HSPA12A: variants seen among roughly 807,000 people sequenced by gnomAD.
HSPA12A encodes the protein heat shock 70 kDa protein 12A.
In HSPA12A, 28 loss-of-function variants were observed where a neutral mutation model predicts 69.2. That is an observed-to-expected ratio of 0.40 (90% confidence interval 0.30 to 0.55). The LOEUF (loss-of-function observed/expected upper bound fraction) is 0.55, where lower values mean the gene tolerates loss of function less well. Among genes scored for constraint, HSPA12A ranks in the 20% least tolerant of loss-of-function variants. The pLI is 0.38. For missense variants in HSPA12A, 686 were observed against 900.7 expected, an observed-to-expected ratio of 0.76 and a Z score of 3.05; for synonymous variants, 345 against 370.5, an observed-to-expected ratio of 0.93 and a Z score of 0.79.
At position 116,705,359 on chromosome 10, in the gene HSPA12A, T is replaced by A. The variant is rs1850212066; in HGVS notation, c.127-81A>T. ...AAGACACCCCTGGGGGGTCTCACCT[T>A]GCCTAGCTGTGAACCCCCTGCAGAC... On this transcript the variant is annotated intron_variant, in intron 2 of 11. Coordinates refer to ENST00000369209, the MANE Select transcript of HSPA12A (RefSeq NM_025015.3). 3.4e-6 allele frequency: 5 copies of A among 1,491,520 alleles called. No individual in the cohort carries two copies. The Admixed American group carries it at 6.7e-5, about 20-fold the overall frequency. The allele number at this position is 1,491,520 out of a possible 1,614,324, so 92.4% of individuals were successfully genotyped here.
chr10:116,820,292 G>A (rs1845387357), intron 2 of HSPA12A, among the ~76,000 whole-genome samples: 1 of 152,174 alleles, frequency 6.6e-6, no homozygotes, highest in African/African-American at 2.4e-5. Flanking sequence ...GTATCAAAGG[G>A]AAAGAGATTA....
chr10:116,835,040 A>T (rs1845684117), intron 1 of HSPA12A: 1 of 1,220,648 alleles, frequency 8.2e-7, no homozygotes, highest in Admixed American at 4.2e-5. Context: ...AGGGGGGAAA[A>T]GAGTTGCACT....
At chr10:116,780,755 T>A (rs1554891725) in intron 2 of HSPA12A, among the ~76,000 whole-genome samples, 1 of 152,162 alleles carries the variant, frequency 6.6e-6, no homozygotes, top group Non-Finnish European at 1.5e-5. Context: ...ATAACAATCA[T>A]AATTTTTAAG....
At chr10:116,806,797 A>G (rs887133783) in intron 2 of HSPA12A, among the ~76,000 whole-genome samples, 13 of 152,312 alleles carry the variant, frequency 8.5e-5, no homozygotes, top group African/African-American at 2.9e-4. Flanking sequence ...GGTGCAGGGG[A>G]TTGACCCGTG....
At chr10:116,792,079 C>T (rs1037952850) in intron 2 of HSPA12A, among the ~76,000 whole-genome samples, 5 of 151,506 alleles carry the variant, frequency 3.3e-5, no homozygotes, top group Non-Finnish European at 7.4e-5. Flanking sequence ...ATAATGATGG[C>T]CATAAATACT....
At chr10:116,786,797 G>A (rs575936176) in intron 2 of HSPA12A, among the ~76,000 whole-genome samples, 10 of 152,032 alleles carry the variant, frequency 6.6e-5, no homozygotes, top group South Asian at 4.2e-4. Flanking sequence ...CCACCACCAC[G>A]TCCAGCTAAT....
At chr10:116,743,080 C>CCGCAGACCAAGGA (rs75737266), upstream of HSPA12A, among the ~76,000 whole-genome samples, 92,333 of 151,142 alleles carry the variant, frequency 0.61, 28,535 homozygotes, top group South Asian at 0.72. Flanking sequence ...AGGACCCAGG[C>CCGCAGACCAAGGA]CGCAGACCAA....
chr10:116,729,205 G>T (rs1401363368), intron 1 of HSPA12A, among the ~76,000 whole-genome samples: 1 of 152,190 alleles, frequency 6.6e-6, no homozygotes, highest in Non-Finnish European at 1.5e-5. Context: ...TGAGGAGCAC[G>T]CCGGGAAGGT....
chr10:116,819,344 T>G (rs1845367480), intron 2 of HSPA12A, among the ~76,000 whole-genome samples: 1 of 152,144 alleles, frequency 6.6e-6, no homozygotes, highest in African/African-American at 2.4e-5. Flanking sequence ...GCACTTTACA[T>G]AGGAGGGTTC....
At chr10:116,791,161 C>A (rs991254642) in intron 2 of HSPA12A, among the ~76,000 whole-genome samples, 2 of 152,170 alleles carry the variant, frequency 1.3e-5, no homozygotes, top group African/African-American at 4.8e-5. Context: ...GCAGGCCCTC[C>A]CTCCACAAGT....
rs573092813 is a variant in HSPA12A at position 116,710,054 on chromosome 10, C to T, written c.41-2769G>A. On this transcript the variant is annotated intron_variant, in intron 1 of 11. Coordinates refer to ENST00000369209, the MANE Select transcript of HSPA12A (RefSeq NM_025015.3). The surrounding 1 kb of genome is among the most constrained non-coding windows in gnomAD (Gnocchi z 4.1). ...AGCCTGCTGATCTCCACCATCTTTG[C>T]TAATCTCCCAGCACAAGGGAACCCC... Among the ~76,000 whole-genome samples the T allele has an allele frequency of 6.6e-6, 1 of 152,260 alleles. No homozygotes were observed. The highest frequency in any genetic ancestry group is 6.5e-5 in the Admixed American group (1 of 15,290).
intron 1 of HSPA12A, chr10:116,835,031 G>C: frequency 8.2e-7 from 1 of 1,226,698 alleles, no homozygotes; most frequent in East Asian, 3.2e-5. Flanking sequence ...ATCTGTAGGA[G>C]GGGGGAAAAG....
intron 2 of HSPA12A, among the ~76,000 whole-genome samples, chr10:116,825,057 G>A (rs1381824655): frequency 6.8e-6 from 1 of 146,374 alleles, no homozygotes; most frequent in Non-Finnish European, 1.5e-5. Flanking sequence ...GTGTGGTGGT[G>A]CACGCCTGTA....
rs943978398 is a variant in HSPA12A at position 116,778,991 on chromosome 10, T to A, written c.91+55944A>T. On this transcript the variant is annotated intron_variant, in intron 2 of 12. Transcript: ENST00000635765. ...AGAAGTCCATGGCAGAGTGGAAGGG[T>A]CTGTCTGCCCTTGGGTCACACAGGT... Among the ~76,000 whole-genome samples the A allele has an allele frequency of 7.9e-5, 12 of 152,122 alleles. No individual in the cohort carries two copies. The East Asian group carries it at 2.3e-3, about 30-fold the overall frequency.
chr10:116,759,327 C>T (rs1471030606), intron 2 of HSPA12A, among the ~76,000 whole-genome samples: 1 of 152,096 alleles, frequency 6.6e-6, no homozygotes, highest in African/African-American at 2.4e-5. Flanking sequence ...TGGCAGCTGC[C>T]CCTCCCTGTG....
chr10:116,820,083 A>G (rs1023319080), intron 2 of HSPA12A, among the ~76,000 whole-genome samples: 2 of 152,206 alleles, frequency 1.3e-5, no homozygotes, highest in Non-Finnish European at 2.9e-5. Context: ...CTGGCCTCCC[A>G]AAGTGCTGGG....
intron 2 of HSPA12A, among the ~76,000 whole-genome samples, chr10:116,795,509 C>T (rs146341230): frequency 0.01 from 1,233 of 121,336 alleles, 5 homozygotes; most frequent in Non-Finnish European, 0.016. Context: ...CGAAACCTGC[C>T]GCTACTAAAA....
At chr10:116,770,400 G>T (rs1461444402) in intron 2 of HSPA12A, among the ~76,000 whole-genome samples, 1 of 152,226 alleles carries the variant, frequency 6.6e-6, no homozygotes, top group African/African-American at 2.4e-5. Flanking sequence ...TTGTGAAGGG[G>T]CGGATCAGAG....
At chr10:116,729,945 C>A (rs1280838937) in intron 1 of HSPA12A, among the ~76,000 whole-genome samples, 1 of 152,180 alleles carries the variant, frequency 6.6e-6, no homozygotes, top group Admixed American at 6.5e-5. Flanking sequence ...GATGGCCAGG[C>A]GTGGTGGCTT....
Sources: allele counts gnomAD v4.1 joint callset (sites outside exome capture counted in the v4.1 genomes callset), GRCh38; gene constraint gnomAD v4.1.1; non-coding constraint Gnocchi (gnomAD v3.1); transcripts MANE v1.5; gene names NCBI Gene and HGNC (gene_info 2026-07-23, HGNC 2026-07-21).